PRRG1: variants seen among roughly 807,000 people sequenced by gnomAD.
PRRG1 encodes proline rich and Gla domain 1, also known as transmembrane gamma-carboxyglutamic acid protein 1.
In PRRG1, 5 loss-of-function variants were observed where a neutral mutation model predicts 11.8. That is an observed-to-expected ratio of 0.42 (90% CI 0.22 to 0.89). The LOEUF (loss-of-function observed/expected upper bound fraction) is 0.89. Among genes scored for constraint, PRRG1 ranks in the 40% least tolerant of loss-of-function variants. PRRG1 has a pLI of 0.28. For synonymous variants in PRRG1, 66 were observed against 60.4 expected, an observed-to-expected ratio of 1.09 and a Z score of -0.43; for missense variants, 155 against 166.1, an observed-to-expected ratio of 0.93 and a Z score of 0.37.
intron 1 of PRRG1, among the ~76,000 whole-genome samples, chrX:37,380,403 G>T (rs1488592249): frequency 2.7e-5 from 3 of 111,666 alleles, no homozygotes; most frequent in Non-Finnish European, 5.7e-5. Flanking sequence ...CTTTAGTGAG[G>T]ACAACATTAG....
chrX:37,390,562 T>C (rs782453030), intron 1 of PRRG1, among the ~76,000 whole-genome samples: 1 of 112,027 alleles, frequency 8.9e-6, no homozygotes, highest in East Asian at 2.8e-4. Flanking sequence ...ATAAAACTCA[T>C]TTATGGTATA....
chrX:37,413,740 A>G (rs1402205852), intron 2 of PRRG1, among the ~76,000 whole-genome samples: 1 of 111,878 alleles, frequency 8.9e-6, no homozygotes, highest in Non-Finnish European at 1.9e-5. Context: ...GATGACATAT[A>G]GCCATGAGCT....
intron 1 of PRRG1, among the ~76,000 whole-genome samples, chrX:37,361,571 T>C (rs1930416839): frequency 8.9e-6 from 1 of 111,898 alleles, no homozygotes; most frequent in Non-Finnish European, 1.9e-5. Context: ...CTATTATTTC[T>C]TTGGGAGAAC....
chrX:37,399,410 A>C (rs1253329196), intron 1 of PRRG1, among the ~76,000 whole-genome samples: 2,523 of 107,351 alleles, frequency 0.024, 83 homozygotes, highest in African/African-American at 0.08. Flanking sequence ...GAAATAAAAT[A>C]CTTTACAGAC....
chrX:37,424,824 G>A (rs187038182), intron 2 of PRRG1, among the ~76,000 whole-genome samples: 93 of 111,306 alleles, frequency 8.4e-4, no homozygotes, highest in African/African-American at 2.7e-3. Context: ...ATCCATTGCT[G>A]GCTGTCATTG....
chrX:37,362,582 T>G (rs1237713938), intron 1 of PRRG1, among the ~76,000 whole-genome samples: 2 of 111,885 alleles, frequency 1.8e-5, no homozygotes, highest in East Asian at 5.6e-4. Flanking sequence ...TCTTCTGTTT[T>G]TTCTGTTTGC....
chrX:37,349,783 T>C (rs1929993866), intron 1 of PRRG1, among the ~76,000 whole-genome samples: 1 of 110,738 alleles, frequency 9.0e-6, no homozygotes, highest in African/African-American at 3.3e-5. Flanking sequence ...CCAGCGCTGC[T>C]TTCTCTGGTG....
intron 1 of PRRG1, chrX:37,403,922 G>C (rs1932110726): frequency 3.9e-6 from 1 of 254,433 alleles, no homozygotes; most frequent in Admixed American, 9.4e-5. Context: ...TGAGGTGGCT[G>C]ACATGTAGTA....
At chrX:37,398,315 C>T (rs781945572) in intron 1 of PRRG1, among the ~76,000 whole-genome samples, 24 of 111,712 alleles carry the variant, frequency 2.1e-4, no homozygotes, top group African/African-American at 7.2e-4. Context: ...GCAGCATTCG[C>T]GGTTCACGAG....
intron 3 of PRRG1, among the ~76,000 whole-genome samples, chrX:37,427,165 A>T (rs1323811049): frequency 8.9e-6 from 1 of 112,144 alleles, no homozygotes; most frequent in Non-Finnish European, 1.9e-5. Context: ...TCACAAGGCT[A>T]ATGGCTTTTT....
chrX:37,361,426 A>G (rs112560627), intron 1 of PRRG1, among the ~76,000 whole-genome samples: 42 of 111,960 alleles, frequency 3.8e-4, no homozygotes, highest in Non-Finnish European at 6.8e-4. Flanking sequence ...ACCTCATTCA[A>G]ATACCGATGA....
At chrX:37,441,758 G>T in intron 3 of PRRG1, 1 of 785,639 alleles carries the variant, frequency 1.3e-6, no homozygotes, top group Non-Finnish European at 1.5e-6. Context: ...CAGCACAGTG[G>T]CTGCATCTGC....
chrX:37,350,561 A>T (rs1162111193), intron 1 of PRRG1, among the ~76,000 whole-genome samples: 1 of 111,724 alleles, frequency 9.0e-6, no homozygotes, highest in Non-Finnish European at 1.9e-5. Context: ...ACAAAACATT[A>T]GGGCAAATAT....
chrX:37,384,122 T>A (rs1931244748), intron 1 of PRRG1, among the ~76,000 whole-genome samples: 1 of 111,354 alleles, frequency 9.0e-6, no homozygotes, highest in Non-Finnish European at 1.9e-5. Flanking sequence ...AATGACCATT[T>A]TTCCTCTTTT....
intron 1 of PRRG1, among the ~76,000 whole-genome samples, chrX:37,403,507 A>C (rs1358998749): frequency 9.8e-6 from 1 of 101,525 alleles, no homozygotes; most frequent in Non-Finnish European, 2.0e-5. Flanking sequence ...GAGGGATAGC[A>C]TTAGGAGATA....
At chrX:37,390,508 T>C (rs1434268834) in intron 1 of PRRG1, among the ~76,000 whole-genome samples, 2 of 111,957 alleles carry the variant, frequency 1.8e-5, no homozygotes, top group African/African-American at 6.5e-5. Context: ...CAAAAAGATC[T>C]AAAAGCATAC....
At chrX:37,386,935 T>C (rs1239075759) in intron 1 of PRRG1, among the ~76,000 whole-genome samples, 1 of 112,370 alleles carries the variant, frequency 8.9e-6, no homozygotes, top group Non-Finnish European at 1.9e-5. Context: ...CTCCTGATGA[T>C]ATTAAAGATA....
rs781986124 is a variant in PRRG1 at position 37,453,376 on chromosome X, G to T, written c.412G>T (p.Val138Leu). The change falls in exon 4 of 4, where the codon GTG (valine) becomes TTG (leucine). Residue 138 changes from valine to leucine, a missense_variant. Val to Leu is a conservative substitution (Grantham distance 32). Coordinates refer to ENST00000378628, the MANE Select transcript of PRRG1 (RefSeq NM_001142395.2). ...CACCCCACCCCCCCCACCAGATGAA[G>T]TGTTTGACAGCAGTGGATTGTCTCC... ...IITPPPPPDE[V>L]FDSSGLSPGF... 8.3e-7 allele frequency: 1 copy of T among 1,206,808 alleles called. No individual in the cohort carries two copies. Among genetic ancestry groups the T allele is most frequent in the Admixed American group, 2.2e-5 (1 of 45,441 alleles).
Position 37,449,721 on chromosome X carries a change from T to C in PRRG1, c.172-3415T>C, listed in dbSNP as rs782169267. 2.7e-5 allele frequency among the ~76,000 whole-genome samples: 3 copies of C among 112,530 alleles called. No homozygotes were observed. In the East Asian group the frequency reaches 8.3e-4, roughly 31 times the overall value. ...TCACTCTTTTACATCATGCTTAAGA[T>C]TGCTATAAAAGTATGATTCAATTAT... On this transcript the variant is annotated intron_variant, in intron 3 of 3. Coordinates refer to ENST00000378628, the MANE Select transcript of PRRG1 (RefSeq NM_001142395.2).
Sources: allele counts gnomAD v4.1 joint callset (sites outside exome capture counted in the v4.1 genomes callset), GRCh38; gene constraint gnomAD v4.1.1; transcripts MANE v1.5; gene names NCBI Gene and HGNC (gene_info 2026-07-23, HGNC 2026-07-21).